RBFOX1: variants seen among roughly 807,000 people sequenced by gnomAD.
RBFOX1 encodes the protein RNA binding protein fox-1 homolog 1.
In RBFOX1, 8 loss-of-function variants were observed where a neutral mutation model predicts 57.7. The observed-to-expected ratio is 0.14, with a 90% CI of 0.08 to 0.25. The LOEUF is 0.25. Ranked by LOEUF, RBFOX1 falls within the 10% of genes least tolerant of loss-of-function variation. RBFOX1 has a pLI of 1.00. For missense variants in RBFOX1, 611 were observed against 548.5 expected (o/e 1.11, Z -1.14); for synonymous variants, 326 against 222.4 (o/e 1.47, Z -4.15).
intron 3 of RBFOX1, among the ~76,000 whole-genome samples, chr16:5,780,071 T>G (rs1325009956): frequency 1.3e-5 from 2 of 152,254 alleles, no homozygotes; most frequent in Non-Finnish European, 2.9e-5. Context: ...TGGCACAATC[T>G]CGGCTCACTG....
intron 3 of RBFOX1, chr16:6,704,892 T>C (rs1603446597): frequency 6.6e-6 from 1 of 152,210 alleles, no homozygotes; most frequent in Non-Finnish European, 1.5e-5. Context: ...CTTGCTCTTT[T>C]AGCTGTTTCT....
rs2060501893 is a variant in RBFOX1, at chr16:6,869,489, T to G, written c.-15-182568T>G. Among the ~76,000 whole-genome samples the G allele has an allele frequency of 2.0e-5, 3 of 151,432 alleles. No homozygotes were observed. The South Asian group carries it at 6.3e-4, about 32-fold the overall frequency. On this transcript the variant is annotated intron_variant, in intron 3 of 15. Transcript: ENST00000550418. ...CTTTTGAGGTTTTTTTTTTTTAATG[T>G]AAATGCCCTGAGTTTTTCAACACAT...
At chr16:6,605,329 G>T (rs1023977048) in intron 2 of RBFOX1, among the ~76,000 whole-genome samples, 1 of 152,128 alleles carries the variant, frequency 6.6e-6, no homozygotes, top group Non-Finnish European at 1.5e-5. Context: ...CAACATGTTA[G>T]CTTTTACAGG....
At chr16:5,734,375 C>T (rs1226338832) in intron 3 of RBFOX1, among the ~76,000 whole-genome samples, 1 of 152,136 alleles carries the variant, frequency 6.6e-6, no homozygotes, top group South Asian at 2.1e-4. Context: ...CTGCAGTTAG[C>T]TGTAATTGTG....
chr16:6,083,840 T>C (rs937484686), intron 1 of RBFOX1, among the ~76,000 whole-genome samples: 2 of 151,962 alleles, frequency 1.3e-5, no homozygotes, highest in Admixed American at 1.3e-4. Flanking sequence ...TCCCATCTTC[T>C]CTAACCCCGG....
chr16:7,655,437 A>C (rs1017875772), intron 12 of RBFOX1, among the ~76,000 whole-genome samples: 4 of 152,200 alleles, frequency 2.6e-5, no homozygotes, highest in Non-Finnish European at 5.9e-5. Context: ...ACTGGCTATA[A>C]ATTCTCCCTA....
chr16:5,817,152 C>G (rs1044933977), intron 3 of RBFOX1, among the ~76,000 whole-genome samples: 2 of 152,158 alleles, frequency 1.3e-5, no homozygotes, highest in African/African-American at 2.4e-5. Context: ...TCGTCTTGCA[C>G]TCTTGTGCAC....
At chr16:7,232,970 C>G (rs141862682) in intron 4 of RBFOX1, among the ~76,000 whole-genome samples, 1 of 152,016 alleles carries the variant, frequency 6.6e-6, no homozygotes, top group Non-Finnish European at 1.5e-5. Context: ...TTCTTCTTTC[C>G]CTCTCCACAC....
At chr16:5,477,291 G>C (rs2069361414) in intron 2 of RBFOX1, among the ~76,000 whole-genome samples, 1 of 152,146 alleles carries the variant, frequency 6.6e-6, no homozygotes, top group South Asian at 2.1e-4. Context: ...TGGTTTCAGG[G>C]GAACTGAAAA....
chr16:6,320,701 G>A (rs1330541828), intron 2 of RBFOX1, among the ~76,000 whole-genome samples: 1 of 152,108 alleles, frequency 6.6e-6, no homozygotes, highest in Non-Finnish European at 1.5e-5. Flanking sequence ...GACGGAGCAA[G>A]TGAACGCTTG....
intron 4 of RBFOX1, among the ~76,000 whole-genome samples, chr16:5,869,912 A>T (rs964003599): frequency 7.9e-5 from 12 of 152,296 alleles, no homozygotes; most frequent in African/African-American, 2.9e-4. Context: ...AAACACTGGA[A>T]ACAAACCAAA....
At chr16:7,085,908 G>C (rs2059917474) in intron 4 of RBFOX1, among the ~76,000 whole-genome samples, 1 of 152,172 alleles carries the variant, frequency 6.6e-6, no homozygotes, top group South Asian at 2.1e-4. Flanking sequence ...TGGTGATTCG[G>C]TTCTTGATGC....
At chr16:7,044,482 C>A (rs1157516448) in intron 3 of RBFOX1, among the ~76,000 whole-genome samples, 1 of 152,070 alleles carries the variant, frequency 6.6e-6, no homozygotes, top group African/African-American at 2.4e-5. Flanking sequence ...AAGATGAATC[C>A]CTGCTATTAA....
At chr16:6,991,161 A>AAAAAC (rs1271872183) in intron 3 of RBFOX1, among the ~76,000 whole-genome samples, 5 of 140,006 alleles carry the variant, frequency 3.6e-5, no homozygotes, top group East Asian at 2.3e-4. Flanking sequence ...AAAAAAAAAA[A>AAAAAC]AGACACGGTG....
intron 3 of RBFOX1, among the ~76,000 whole-genome samples, chr16:6,802,468 G>A (rs11645185): frequency 0.096 from 14,647 of 152,222 alleles, 880 homozygotes; most frequent in African/African-American, 0.15. Flanking sequence ...CCTGAGGTCA[G>A]GAGTTTGAGA....
intron 4 of RBFOX1, among the ~76,000 whole-genome samples, chr16:7,404,465 G>A (rs913712411): frequency 4.1e-4 from 63 of 152,316 alleles, no homozygotes; most frequent in African/African-American, 1.5e-3. Context: ...GACGGCTCCT[G>A]TTAACATTTT....
intron 2 of RBFOX1, among the ~76,000 whole-genome samples, chr16:6,465,884 T>TTG (rs111917166): frequency 0.065 from 9,565 of 146,268 alleles, 984 homozygotes; most frequent in African/African-American, 0.22. Flanking sequence ...ATTTGTGTGT[T>TTG]TGTGTGTGTG....
chr16:6,115,495 C>T (rs991025995), intron 1 of RBFOX1, among the ~76,000 whole-genome samples: 2 of 152,104 alleles, frequency 1.3e-5, no homozygotes, highest in Admixed American at 6.6e-5. Context: ...TATTGGCTGG[C>T]CCAAGGGGTG....
At chr16:5,626,568 C>G (rs1244305637) in intron 3 of RBFOX1, among the ~76,000 whole-genome samples, 2 of 152,138 alleles carry the variant, frequency 1.3e-5, no homozygotes, top group Non-Finnish European at 1.5e-5. Context: ...CCAAAAAGAT[C>G]CTGGAATACC....
Sources: allele counts gnomAD v4.1 joint callset (sites outside exome capture counted in the v4.1 genomes callset), GRCh38; gene constraint gnomAD v4.1.1; transcripts MANE v1.5; gene names NCBI Gene and HGNC (gene_info 2026-07-23, HGNC 2026-07-21).